COL5A2: variants seen among roughly 807,000 people sequenced by gnomAD.
COL5A2 encodes collagen alpha-2(V) chain.
A neutral mutation model predicts 208.2 loss-of-function variants in COL5A2; 23 were observed. The ratio of observed to expected loss-of-function variants is 0.11; its 90% CI spans 0.08 to 0.16. The LOEUF (loss-of-function observed/expected upper bound fraction) is 0.16. COL5A2 is among the 10% of genes least tolerant of loss of function. COL5A2 has a pLI of 1.00. For synonymous variants in COL5A2, 625 were observed against 628.5 expected (o/e 0.99, Z 0.08); for missense variants, 1,590 against 1,956.4 (o/e 0.81, Z 3.53).
At chr2:189,085,673 G>C in intron 10 of COL5A2, 46 bp downstream of exon 10, 1 of 1,492,508 alleles carries the variant, frequency 6.7e-7, no homozygotes, top group East Asian at 2.3e-5. Context: ...TCATTATAAT[G>C]GTGGACCCAA....
intron 1 of COL5A2, among the ~76,000 whole-genome samples, chr2:189,159,941 G>T (rs4667267): frequency 1 from 151,932 of 152,096 alleles, 75,884 homozygotes; most frequent in Middle Eastern, 1. Flanking sequence ...AAATAAAACA[G>T]TAAATTGTAT....
chr2:189,268,286 A>C, the COL5A2 span, among the ~76,000 whole-genome samples: 1 of 152,188 alleles, frequency 6.6e-6, no homozygotes, highest in African/African-American at 2.4e-5. Flanking sequence ...TTTTTAAGAT[A>C]TAACATTCTC....
chr2:189,154,386 A>G (rs560492960), intron 1 of COL5A2, among the ~76,000 whole-genome samples: 1 of 152,348 alleles, frequency 6.6e-6, no homozygotes, highest in African/African-American at 2.4e-5. Flanking sequence ...ATTCGCTAGG[A>G]GAATCATAAT....
the COL5A2 span, among the ~76,000 whole-genome samples, chr2:189,283,393 A>G: frequency 6.6e-6 from 1 of 152,126 alleles, no homozygotes; most frequent in African/African-American, 2.4e-5. Context: ...GCTTAACTCA[A>G]TCTCTGTGGT....
chr2:189,165,144 A>G (rs1306876650), intron 1 of COL5A2, among the ~76,000 whole-genome samples: 1 of 152,248 alleles, frequency 6.6e-6, no homozygotes, highest in Non-Finnish European at 1.5e-5. Flanking sequence ...TTAGAAAGAA[A>G]GAATTAAATT....
intron 1 of COL5A2, among the ~76,000 whole-genome samples, chr2:189,153,083 A>G (rs1299003038): frequency 6.6e-6 from 1 of 152,206 alleles, no homozygotes; most frequent in African/African-American, 2.4e-5. Flanking sequence ...TAGACACAGT[A>G]TCTGGTTGCC....
chr2:189,337,389 A>T, the COL5A2 span, among the ~76,000 whole-genome samples: 1 of 151,724 alleles, frequency 6.6e-6, no homozygotes, highest in African/African-American at 2.4e-5. Context: ...TCACCGTTTT[A>T]GCCCGGATGG....
the COL5A2 span, among the ~76,000 whole-genome samples, chr2:189,306,445 G>C: frequency 6.6e-6 from 1 of 152,308 alleles, no homozygotes; most frequent in African/African-American, 2.4e-5. Context: ...CTCAGAATCT[G>C]ATTCCACATA....
chr2:189,092,995 T>C (rs1172627006), intron 6 of COL5A2, among the ~76,000 whole-genome samples: 2 of 152,190 alleles, frequency 1.3e-5, no homozygotes, highest in African/African-American at 4.8e-5. Flanking sequence ...TCCTCTTTAA[T>C]ACTTTAAAGC....
the COL5A2 span, among the ~76,000 whole-genome samples, chr2:189,429,775 G>T: frequency 6.6e-6 from 1 of 152,128 alleles, no homozygotes; most frequent in African/African-American, 2.4e-5. Context: ...AATATTGACT[G>T]TAACATAGTT....
At chr2:189,076,168 T>G (rs189430558) in intron 16 of COL5A2, among the ~76,000 whole-genome samples, 1 of 152,280 alleles carries the variant, frequency 6.6e-6, no homozygotes, top group Non-Finnish European at 1.5e-5. Context: ...AAATACAGTT[T>G]CTAAGAGCAC....
At chr2:189,072,392 C>G (rs1228515814) in intron 17 of COL5A2, among the ~76,000 whole-genome samples, 1 of 152,142 alleles carries the variant, frequency 6.6e-6, no homozygotes, top group Non-Finnish European at 1.5e-5. Flanking sequence ...GATGTACTTT[C>G]TTTGTGTTAA....
At chr2:189,080,550 G>A (rs920637393) in intron 13 of COL5A2, among the ~76,000 whole-genome samples, 53 of 152,012 alleles carry the variant, frequency 3.5e-4, no homozygotes, top group African/African-American at 5.3e-4. Context: ...TAGTTACATC[G>A]TAATTATCTT....
chr2:189,313,465 C>T, the COL5A2 span, among the ~76,000 whole-genome samples: 1 of 152,134 alleles, frequency 6.6e-6, no homozygotes, highest in African/African-American at 2.4e-5. Context: ...AAAGTAAAGA[C>T]CATTACCAGT....
the COL5A2 span, among the ~76,000 whole-genome samples, chr2:189,266,187 G>C: frequency 6.6e-6 from 1 of 152,130 alleles, no homozygotes; most frequent in African/African-American, 2.4e-5. Context: ...CAGCACTTTG[G>C]TAGGCAGAGA....
Position 189,063,028 on chromosome 2 carries a change from A to G in COL5A2, c.1905T>C (p.Ala635=). 6.2e-7 allele frequency: 1 copy of G among 1,614,232 alleles called. No homozygotes were observed. The highest frequency in any genetic ancestry group is 8.5e-7 in the Non-Finnish European group (1 of 1,180,036). Residue 635 remains alanine (A), a synonymous_variant, in exon 28 of 54, where the codon GCT becomes GCC. Transcript: ENST00000374866. ...DPGKPGEAGN[A]GVPGQRGAPG... Reference sequence around the variant, plus strand: ...TATTTACCCTCTGCCCAGGAACTCCAGCATTTCCTGCTTCTCCAGGTTTCC... The same window carrying G: ...TATTTACCCTCTGCCCAGGAACTCCGGCATTTCCTGCTTCTCCAGGTTTCC...
chr2:189,182,975 C>T (rs1025766506), upstream of COL5A2, among the ~76,000 whole-genome samples: 3 of 152,124 alleles, frequency 2.0e-5, no homozygotes, highest in Non-Finnish European at 4.4e-5. Flanking sequence ...ACCTTTCCTA[C>T]AGCCTGTAAA....
the COL5A2 span, among the ~76,000 whole-genome samples, chr2:189,390,587 C>T: frequency 6.6e-6 from 1 of 152,066 alleles, no homozygotes; most frequent in Admixed American, 6.6e-5. Flanking sequence ...GAGATAAAGG[C>T]AACAAATAGA....
At chr2:189,349,812 T>C in the COL5A2 span, among the ~76,000 whole-genome samples, 30,512 of 152,050 alleles carry the variant, frequency 0.2, 3,276 homozygotes, top group South Asian at 0.26. Context: ...TTGGTCTATA[T>C]TGACTAGTTA....
Sources: allele counts gnomAD v4.1 joint callset (sites outside exome capture counted in the v4.1 genomes callset), GRCh38; gene constraint gnomAD v4.1.1; transcripts MANE v1.5; gene names NCBI Gene and HGNC (gene_info 2026-07-23, HGNC 2026-07-21).